Variants in PGK1 observed in about 807,000 individuals in gnomAD.
PGK1 encodes the protein phosphoglycerate kinase 1.
PGK1 carries 3 observed loss-of-function variants against 26.9 expected under a neutral mutation model. That is an observed-to-expected ratio of 0.11 (90% CI 0.05 to 0.29). The LOEUF (loss-of-function observed/expected upper bound fraction) is 0.29. PGK1 is among the 10% of genes least tolerant of loss of function. The pLI is 1.00. For missense variants in PGK1, 270 were observed against 314.7 expected, an observed-to-expected ratio of 0.86 and a Z score of 1.07; for synonymous variants, 125 against 115.3, an observed-to-expected ratio of 1.08 and a Z score of -0.54.
chrX:78,119,679 T>A lies in PGK1; in HGVS notation c.641+1509T>A, dbSNP rs1239128136. 4.5e-5 allele frequency among the ~76,000 whole-genome samples: 5 copies of A among 111,795 alleles called. No homozygotes were observed. The South Asian group carries it at 1.9e-3, about 42-fold the overall frequency. Reference sequence around the variant, plus strand: ...ACCCCATACTGTTCTTGTGATAGTGTTGTTTGGCAGTTCCACCCTCGCTCG... The same window carrying A: ...ACCCCATACTGTTCTTGTGATAGTGATGTTTGGCAGTTCCACCCTCGCTCG... On this transcript the variant is annotated intron_variant, in intron 6 of 10. Coordinates refer to ENST00000373316, the MANE Select transcript of PGK1 (RefSeq NM_000291.4).
At position 78,123,295 on chromosome X, in the gene PGK1, T is replaced by C; in HGVS notation, c.857T>C (p.Phe286Ser). Residue 286 changes from phenylalanine to serine, a missense_variant, in exon 8 of 11, where the codon TTT becomes TCT. Phe to Ser is a radical substitution (Grantham distance 155). This residue lies in a region of PGK1 where 103 missense variants were observed against 114.6 expected (regional missense o/e 0.90). Coordinates refer to ENST00000373316, the MANE Select transcript of PGK1 (RefSeq NM_000291.4). ...GTGAAGATTACCTTGCCTGTTGACT[T>C]TGTCACTGCTGACAAGTTTGATGAG... ...NGVKITLPVDFVTADKFDENA... is the reference protein window; with the variant it reads ...NGVKITLPVDSVTADKFDENA... 1 of 1,207,205 alleles carries C rather than the reference T, an allele frequency of 8.3e-7. No individual in the cohort carries two copies. Among genetic ancestry groups the C allele is most frequent in the East Asian group, 3.0e-5 (1 of 33,820 alleles).
intron 1 of PGK1, 46 bp downstream of exon 1, chrX:78,104,451 A>G: frequency 2.0e-6 from 2 of 1,006,790 alleles, no homozygotes; most frequent in Non-Finnish European, 2.8e-6. Context: ...TCTGTCGCAA[A>G]CCTCTTTGGC....
In PGK1 at chrX:78,113,731, T is replaced by C. The variant is rs782038536; in HGVS notation, c.117-13T>C. ...GTAACTTCATTCTGTTTGTTGTCTC[T>C]CTTTGGTTGCAGGATTAAGGCTGCT... On this transcript the variant is annotated splice_polypyrimidine_tract_variant and intron_variant, in intron 2 of 10. Coordinates refer to ENST00000373316, the MANE Select transcript of PGK1 (RefSeq NM_000291.4). The C allele has an allele frequency of 8.3e-7, 1 of 1,206,809 alleles. No homozygotes were observed. The highest frequency in any genetic ancestry group is 1.7e-5 in the African/African-American group (1 of 57,739).
Position 78,128,765 on chromosome X carries a change from T to C in PGK1, c.*2935T>C, listed in dbSNP as rs2078394282. Reference sequence around the variant, plus strand: ...TTTCCTGTTTTCTTCATTTCCAAAATTTCCCTCTAGCACAGGGGTTTACAC... The same window carrying C: ...TTTCCTGTTTTCTTCATTTCCAAAACTTCCCTCTAGCACAGGGGTTTACAC... On this transcript the variant is annotated 3_prime_UTR_variant, in exon 11 of 11. Coordinates refer to ENST00000373316, the MANE Select transcript of PGK1 (RefSeq NM_000291.4). The C allele has an allele frequency of 9.0e-6, 1 of 111,581 alleles. No homozygotes were observed. The highest frequency in any genetic ancestry group is 3.3e-5 in the African/African-American group (1 of 30,626). The allele number at this position is 111,581 out of a possible 1,213,427, so 9.2% of individuals were successfully genotyped here. A position where few individuals can be genotyped will look rare whatever the true frequency, so the allele number is the denominator to read the frequency against.
At chrX:78,109,781 C>A in intron 1 of PGK1, 86 bp from the exon 2 acceptor site, 1 of 650,956 alleles carries the variant, frequency 1.5e-6, no homozygotes, top group Non-Finnish European at 2.6e-6. Flanking sequence ...GAATTTCTGA[C>A]TTATTTAACT....
At chrX:78,116,869 A>C (rs782156864) in intron 4 of PGK1, among the ~76,000 whole-genome samples, 1 of 111,406 alleles carries the variant, frequency 9.0e-6, no homozygotes, top group African/African-American at 3.3e-5. Flanking sequence ...TGCTTTTATG[A>C]GGAATATGTG....
intron 2 of PGK1, among the ~76,000 whole-genome samples, chrX:78,111,004 T>C (rs1382223690): frequency 9.1e-6 from 1 of 109,583 alleles, no homozygotes; most frequent in East Asian, 2.8e-4. Context: ...TATATATGGG[T>C]TACATGAGAT....
chrX:78,106,525 G>A, intron 1 of PGK1: 1 of 752,603 alleles, frequency 1.3e-6, no homozygotes, highest in Admixed American at 8.8e-5. Flanking sequence ...GTTTCAACGT[G>A]GTGGTTGCTG....
rs2078385374 is a variant in PGK1 at position 78,126,721 on chromosome X, T to C, written c.*891T>C. 1 of 111,626 alleles carries C rather than the reference T, an allele frequency of 9.0e-6. No individual in the cohort carries two copies. Among genetic ancestry groups the C allele is most frequent in the Admixed American group, 9.5e-5 (1 of 10,486 alleles). The allele number at this position is 111,626 out of a possible 1,213,427, so 9.2% of individuals were successfully genotyped here. On this transcript the variant is annotated 3_prime_UTR_variant, in exon 11 of 11. Coordinates refer to ENST00000373316, the MANE Select transcript of PGK1 (RefSeq NM_000291.4). ...TCTGTTCCACATATATTTCCACTTC[T>C]TCATTCTCTCGGTATAGTTTTGTCA...
At chrX:78,122,409 TTGTG>T (rs201442984) in intron 6 of PGK1, among the ~76,000 whole-genome samples, 3,842 of 88,850 alleles carry the variant, frequency 0.043, 119 homozygotes, top group African/African-American at 0.1. Context: ...TGCTCTGAAT[TTGTG>T]TGTGTGTGTG....
chrX:78,104,853 C>A (rs2078262228), intron 1 of PGK1, among the ~76,000 whole-genome samples: 1 of 111,646 alleles, frequency 9.0e-6, no homozygotes, highest in African/African-American at 3.3e-5. Flanking sequence ...CTCACAGGTT[C>A]CTGCACAAAA....
At position 78,113,852 on chromosome X, in the gene PGK1, G is replaced by A; in HGVS notation, c.225G>A (p.Lys75=). The stretch of plus-strand genomic sequence containing the variant: ...CTGATGGTGTGCCCATGCCTGACAA[G>A]TACTCCTTAGAGCCAGTTGCTGTAG... ...GRPDGVPMPD[K]YSLEPVAVEL... Residue 75 remains lysine (K), a synonymous_variant, in exon 3 of 11, where the codon AAG becomes AAA. Transcript: ENST00000373316. 1 of 1,211,285 alleles carries A rather than the reference G, an allele frequency of 8.3e-7. No homozygotes were observed. The highest frequency in any genetic ancestry group is 2.3e-4 in the Middle Eastern group (1 of 4,349).
rs1557249073 is a variant in PGK1, at chrX:78,129,226, T to TATCTATCTATCTA, written c.*3397_*3409dup. ...GAGCATACCCATGTGTGTACCTATCTATCTATCTATCTATCTATCTATCTA... is the reference window on the plus strand; with the variant it reads ...GAGCATACCCATGTGTGTACCTATCTATCTATCTATCTAATCTATCTATCTATCTATCTATCTA... On this transcript the variant is annotated 3_prime_UTR_variant, in exon 11 of 11. Coordinates refer to ENST00000373316, the MANE Select transcript of PGK1 (RefSeq NM_000291.4). 9.5e-6 allele frequency: 1 copy of TATCTATCTATCTA among 105,733 alleles called. No individual in the cohort carries two copies. The highest frequency in any genetic ancestry group is 3.5e-5 in the African/African-American group (1 of 28,935). The allele number at this position is 105,733 out of a possible 1,213,427, so 8.7% of individuals were successfully genotyped here.
intron 2 of PGK1, among the ~76,000 whole-genome samples, chrX:78,111,154 GGCTCACTGCAATCTCTGCCT>G (rs1557246854): frequency 9.3e-6 from 1 of 107,692 alleles, no homozygotes; most frequent in South Asian, 4.0e-4. Context: ...GCACGATCTT[GGCTCACTGCAATCTCTGCCT>G]CCTGGGCTCA....
intron 4 of PGK1, 81 bp downstream of exon 4, chrX:78,114,241 A>C: frequency 2.0e-6 from 2 of 998,414 alleles, no homozygotes; most frequent in Non-Finnish European, 1.4e-6. Flanking sequence ...GAGAAAGCTC[A>C]TTTATTTTAA....
At chrX:78,111,873 A>G (rs1486266981) in intron 2 of PGK1, among the ~76,000 whole-genome samples, 2 of 112,525 alleles carry the variant, frequency 1.8e-5, no homozygotes, top group Non-Finnish European at 3.8e-5. Flanking sequence ...TTGATTAACA[A>G]AATGAAGCAT....
rs1275088977 is a variant in PGK1 at position 78,105,914 on chromosome X, T to A, written c.65+1509T>A. On this transcript the variant is annotated intron_variant, in intron 1 of 10. Transcript: ENST00000373316. The stretch of plus-strand genomic sequence containing the variant: ...CTGTAAAAAACAGGACAGGTGGACA[T>A]TGGCATGCAACTAGCTTTTAGGTTT... Among the ~76,000 whole-genome samples the A allele has an allele frequency of 9.8e-5, 11 of 111,886 alleles. No homozygotes were observed. The Admixed American group carries it at 1.0e-3, about 11-fold the overall frequency.
chrX:78,110,438 G>A (rs2078294819), intron 2 of PGK1, among the ~76,000 whole-genome samples: 1 of 110,195 alleles, frequency 9.1e-6, no homozygotes, highest in Non-Finnish European at 1.9e-5. Flanking sequence ...GGGACCACAG[G>A]TGTAAGCCCC....
At chrX:78,125,121 G>C in intron 9 of PGK1, 70 bp downstream of exon 9, 7 of 956,512 alleles carry the variant, frequency 7.3e-6, no homozygotes, top group Admixed American at 2.2e-5. Context: ...AGGTGGAATG[G>C]AGAACTTCTT....
Sources: allele counts gnomAD v4.1 joint callset (sites outside exome capture counted in the v4.1 genomes callset), GRCh38; gene constraint gnomAD v4.1.1; regional missense constraint gnomAD v4.1.1; transcripts MANE v1.5; gene names NCBI Gene and HGNC (gene_info 2026-07-23, HGNC 2026-07-21).